The following GALNTL6 variants were observed in gnomAD, a reference collection of about 807,000 sequenced individuals.
GALNTL6 encodes polypeptide N-acetylgalactosaminyltransferase-like 6.
In GALNTL6, 46 loss-of-function variants were observed where a neutral mutation model predicts 73.7. The observed-to-expected ratio is 0.62, with a 90% CI of 0.49 to 0.80. GALNTL6 has a LOEUF of 0.80. Among genes scored for constraint, GALNTL6 ranks in the 30% least tolerant of loss-of-function variants. GALNTL6 has a pLI of 0.00. For missense variants in GALNTL6, 604 were observed against 755.0 expected (o/e 0.80, Z 2.34); for synonymous variants, 259 against 263.7 (o/e 0.98, Z 0.17).
chr4:172,822,354 A>G (rs1169905427), intron 7 of GALNTL6, among the ~76,000 whole-genome samples: 1 of 152,068 alleles, frequency 6.6e-6, no homozygotes, highest in East Asian at 1.9e-4. Context: ...AATCATAGGT[A>G]GCCTGGTAGG....
At chr4:172,212,094 T>C (rs1209451666) in intron 2 of GALNTL6, among the ~76,000 whole-genome samples, 19 of 152,198 alleles carry the variant, frequency 1.2e-4, no homozygotes, top group Admixed American at 1.2e-3. Flanking sequence ...TCAGTGAGGT[T>C]GTTTGATACA....
intron 5 of GALNTL6, among the ~76,000 whole-genome samples, chr4:172,592,527 C>T (rs934732047): frequency 2.0e-5 from 3 of 152,152 alleles, no homozygotes; most frequent in African/African-American, 2.4e-5. Flanking sequence ...ACATCTGATC[C>T]ACTAAACCTG....
At chr4:172,750,939 T>G (rs1214434843) in intron 5 of GALNTL6, among the ~76,000 whole-genome samples, 2 of 152,158 alleles carry the variant, frequency 1.3e-5, no homozygotes, top group African/African-American at 4.8e-5. Flanking sequence ...ATCTAAGTAG[T>G]CCAGGTTCTA....
intron 8 of GALNTL6, among the ~76,000 whole-genome samples, chr4:172,929,096 C>T (rs1427242776): frequency 6.6e-6 from 1 of 152,166 alleles, no homozygotes; most frequent in Non-Finnish European, 1.5e-5. Flanking sequence ...TTTAGACTGT[C>T]CACTGCCCTT....
intron 5 of GALNTL6, among the ~76,000 whole-genome samples, chr4:172,765,693 T>C (rs777421371): frequency 2.0e-5 from 3 of 152,050 alleles, no homozygotes; most frequent in Non-Finnish European, 4.4e-5. Context: ...ATGTTGACAG[T>C]TTTGTGTTGA....
intron 5 of GALNTL6, among the ~76,000 whole-genome samples, chr4:172,712,621 T>C (rs1734779876): frequency 6.6e-6 from 1 of 152,172 alleles, no homozygotes; most frequent in African/African-American, 2.4e-5. Context: ...TCACCTCATT[T>C]TGATGTAAAT....
chr4:172,710,149 G>C (rs372831152), intron 5 of GALNTL6, among the ~76,000 whole-genome samples: 4 of 152,102 alleles, frequency 2.6e-5, no homozygotes, highest in African/African-American at 9.7e-5. Context: ...TTATATTGTT[G>C]GCAGGGTGTG....
chr4:172,244,743 C>T (rs1033810498), intron 3 of GALNTL6, among the ~76,000 whole-genome samples: 1 of 152,098 alleles, frequency 6.6e-6, no homozygotes, highest in South Asian at 2.1e-4. Context: ...TACACAATCT[C>T]AAAAATTTTT....
intron 5 of GALNTL6, among the ~76,000 whole-genome samples, chr4:172,553,676 A>T (rs1736042345): frequency 6.6e-6 from 1 of 152,142 alleles, no homozygotes; most frequent in Non-Finnish European, 1.5e-5. Flanking sequence ...TGCACATACA[A>T]TATATTATTA....
intron 5 of GALNTL6, among the ~76,000 whole-genome samples, chr4:172,702,847 G>C (rs1458995935): frequency 6.6e-6 from 1 of 151,848 alleles, no homozygotes; most frequent in East Asian, 1.9e-4. Context: ...ATTATAAATG[G>C]TGTCTTTTCC....
Position 172,377,901 on chromosome 4 carries a change from T to TC in GALNTL6, c.553+29222dup, listed in dbSNP as rs374764957. Among the ~76,000 whole-genome samples, 1,025 of 142,828 alleles carry TC rather than the reference T, an allele frequency of 7.2e-3. 10 individuals are homozygous for TC. Among genetic ancestry groups the TC allele is most frequent in the African/African-American group, 0.016 (639 of 38,778 alleles). The allele number at this position is 142,828 out of a possible 152,430, so 93.7% of individuals were successfully genotyped here. On this transcript the variant is annotated intron_variant, in intron 5 of 12. Transcript: ENST00000506823. ...CGCGAGCGCTGCACGCAGCACCAGA[T>TC]CCCCCCCCCCATGCCTCTTCCTCCA... is the stretch of plus-strand genomic sequence containing the variant.
intron 11 of GALNTL6, 83 bp from the exon 12 acceptor site, chr4:173,021,393 T>TA: frequency 7.1e-7 from 1 of 1,410,742 alleles, no homozygotes; most frequent in Non-Finnish European, 9.9e-7. Context: ...TCTACATTGC[T>TA]AAAAGACATA....
intron 2 of GALNTL6, among the ~76,000 whole-genome samples, chr4:171,884,628 T>C (rs1736557862): frequency 6.6e-6 from 1 of 152,188 alleles, no homozygotes; most frequent in Admixed American, 6.5e-5. Context: ...ATGATATACA[T>C]GTATATACAT....
intron 2 of GALNTL6, among the ~76,000 whole-genome samples, chr4:171,823,576 T>C (rs1734739341): frequency 1.2e-5 from 1 of 85,732 alleles, no homozygotes; most frequent in Non-Finnish European, 2.9e-5. Context: ...TATGTATATA[T>C]ATATACACAC....
At chr4:172,910,920 T>C (rs1561028234) in intron 8 of GALNTL6, among the ~76,000 whole-genome samples, 1 of 152,182 alleles carries the variant, frequency 6.6e-6, no homozygotes, top group Non-Finnish European at 1.5e-5. Context: ...ACTCACAGAT[T>C]TGTAGGAGAA....
chr4:172,290,996 C>T (rs1335774365), intron 3 of GALNTL6, among the ~76,000 whole-genome samples: 1 of 151,896 alleles, frequency 6.6e-6, no homozygotes, highest in Admixed American at 6.6e-5. Flanking sequence ...CTTATGTATA[C>T]ATGATAAATC....
intron 5 of GALNTL6, among the ~76,000 whole-genome samples, chr4:172,375,156 T>TCCTGTGGGATGTAATTTACC (rs1742980304): frequency 6.6e-6 from 1 of 152,174 alleles, no homozygotes; most frequent in Non-Finnish European, 1.5e-5. Flanking sequence ...TGAGAGGTCC[T>TCCTGTGGGATGTAATTTACC]CCTGTGGGAT....
intron 5 of GALNTL6, among the ~76,000 whole-genome samples, chr4:172,416,350 G>A (rs989982994): frequency 7.2e-5 from 11 of 152,080 alleles, no homozygotes; most frequent in African/African-American, 2.7e-4. Context: ...AAAGAATTCC[G>A]GCTTACATCT....
intron 2 of GALNTL6, among the ~76,000 whole-genome samples, chr4:172,215,167 C>T (rs1366020687): frequency 3.3e-5 from 5 of 151,750 alleles, no homozygotes; most frequent in South Asian, 2.1e-4. Context: ...TGGTGTGTTT[C>T]GTGGCTTATG....
Sources: gnomAD v4.1 joint callset for allele counts (sites outside exome capture counted in the v4.1 genomes callset) on GRCh38, gnomAD v4.1.1 for gene constraint, MANE v1.5 for transcripts, NCBI Gene and HGNC (gene_info 2026-07-23, HGNC 2026-07-21) for gene names.